Variants in PRKCB observed in about 807,000 individuals in gnomAD.
PRKCB encodes protein kinase C beta.
PRKCB carries 13 observed loss-of-function variants against 81.5 expected under a neutral mutation model. That is an observed-to-expected ratio of 0.16 (90% CI 0.10 to 0.25). The LOEUF (loss-of-function observed/expected upper bound fraction) is 0.25, where lower values mean the gene tolerates loss of function less well. Ranked by LOEUF, PRKCB falls within the 10% of genes least tolerant of loss-of-function variation. The pLI is 1.00. For synonymous variants in PRKCB, 335 were observed against 321.4 expected (o/e 1.04, Z -0.45); for missense variants, 509 against 875.7 (o/e 0.58, Z 5.29).
chr16:24,034,260 A>C (rs951887031), intron 4 of PRKCB, among the ~76,000 whole-genome samples: 4 of 152,062 alleles, frequency 2.6e-5, no homozygotes, highest in African/African-American at 9.7e-5. Flanking sequence ...CCCACAACTC[A>C]TTTCTAGTTT....
At chr16:24,087,321 T>A (rs1322280359) in intron 5 of PRKCB, among the ~76,000 whole-genome samples, 5 of 152,232 alleles carry the variant, frequency 3.3e-5, no homozygotes, top group Admixed American at 6.5e-5. Flanking sequence ...TCTTGCTTTT[T>A]TCAACACGTT....
chr16:24,214,597 T>C, intron 16 of PRKCB, 61 bp from the exon 17 acceptor site: 2 of 1,409,732 alleles, frequency 1.4e-6, no homozygotes, highest in African/African-American at 1.4e-5. Flanking sequence ...CTGTTTTATT[T>C]TGGCTTTTGT....
intron 3 of PRKCB, among the ~76,000 whole-genome samples, chr16:24,020,994 T>TTCTC (rs1965357391): frequency 3.0e-5 from 4 of 132,976 alleles, no homozygotes; most frequent in Non-Finnish European, 4.8e-5. Flanking sequence ...CTTTCTTTCT[T>TTCTC]TCTTTCTTTC....
At chr16:24,123,687 A>G (rs1250426379) in intron 8 of PRKCB, 148 bp from the exon 9 acceptor site, 3 of 717,468 alleles carry the variant, frequency 4.2e-6, no homozygotes, top group Non-Finnish European at 6.8e-6. Context: ...GACAGGTTTC[A>G]GGCTTGTGGA....
At chr16:23,887,108 C>T (rs1382733102) in intron 2 of PRKCB, among the ~76,000 whole-genome samples, 6 of 151,728 alleles carry the variant, frequency 4.0e-5, no homozygotes, top group Non-Finnish European at 7.4e-5. Context: ...TTCTTGCTTT[C>T]TTTCTTGCTT....
intron 5 of PRKCB, among the ~76,000 whole-genome samples, chr16:24,067,525 C>T (rs569298091): frequency 1.3e-5 from 2 of 152,266 alleles, no homozygotes; most frequent in African/African-American, 2.4e-5. Context: ...TCTTGAATTC[C>T]TGAGCTCAAG....
Position 24,122,801 on chromosome 16 carries a change from G to C in PRKCB, c.919-1034G>C, listed in dbSNP as rs887230438. The stretch of plus-strand genomic sequence containing the variant: ...CTCCACAGTTTTCTCTCTGCTAAAC[G>C]TGAATCCAGTAACGAAGTCCTGGCA... On this transcript the variant is annotated intron_variant, in intron 8 of 16. Coordinates refer to ENST00000643927, the MANE Select transcript of PRKCB (RefSeq NM_002738.7). Among the ~76,000 whole-genome samples, 3 of 152,096 alleles carry C rather than the reference G, an allele frequency of 2.0e-5. No homozygotes were observed. The South Asian group carries it at 6.2e-4, about 32-fold the overall frequency.
intron 16 of PRKCB, among the ~76,000 whole-genome samples, chr16:24,212,784 A>G (rs1968164687): frequency 6.6e-6 from 1 of 150,478 alleles, no homozygotes; most frequent in Non-Finnish European, 1.5e-5. Flanking sequence ...TGTGCTTCTG[A>G]CTCCCTCTGG....
chr16:24,204,284 T>A (rs1035911111), intron 16 of PRKCB, among the ~76,000 whole-genome samples: 1 of 152,130 alleles, frequency 6.6e-6, no homozygotes, highest in African/African-American at 2.4e-5. Context: ...CCAGGTTAGC[T>A]TAACTTTTAA....
At chr16:24,029,465 C>T (rs941386018) in intron 3 of PRKCB, among the ~76,000 whole-genome samples, 13 of 152,174 alleles carry the variant, frequency 8.5e-5, no homozygotes, top group Admixed American at 7.9e-4. Flanking sequence ...GCTTTCCCTT[C>T]GCCTTCCACT....
At position 24,089,789 on chromosome 16, in the gene PRKCB, T is replaced by TCTCACACACACACA. The variant is rs71381638; in HGVS notation, c.530-3001_530-3000insTCACACACACACAC. On this transcript the variant is annotated intron_variant, in intron 5 of 16. Transcript: ENST00000643927. ...GACCTTGTCTCTCTCTCTCTCTCTC[T>TCTCACACACACACA]CACACACACACACACAACAAAAACG... is the stretch of plus-strand genomic sequence containing the variant. 3.1e-4 allele frequency among the ~76,000 whole-genome samples: 46 copies of TCTCACACACACACA among 149,982 alleles called. 1 individual carries two copies. The highest frequency in any genetic ancestry group is 1.1e-3 in the African/African-American group (45 of 40,748).
chr16:23,837,451 T>C (rs1439783189), intron 2 of PRKCB, 45 bp downstream of exon 2: 1 of 1,585,320 alleles, frequency 6.3e-7, no homozygotes, highest in East Asian at 2.3e-5. Flanking sequence ...GAAGAGAGGG[T>C]GAAAAATACT....
chr16:23,879,855 A>G (rs1198506195), intron 2 of PRKCB, among the ~76,000 whole-genome samples: 3 of 152,202 alleles, frequency 2.0e-5, no homozygotes, highest in Non-Finnish European at 4.4e-5. Flanking sequence ...CTCTTGGGCC[A>G]TAGCTTCCTG....
intron 2 of PRKCB, among the ~76,000 whole-genome samples, chr16:23,975,131 C>T (rs1472007428): frequency 6.6e-6 from 1 of 152,184 alleles, no homozygotes. Flanking sequence ...CTCCATGGTC[C>T]TGTGTATGAT....
chr16:24,065,685 T>C (rs1966024410), intron 5 of PRKCB, among the ~76,000 whole-genome samples: 1 of 152,196 alleles, frequency 6.6e-6, no homozygotes, highest in African/African-American at 2.4e-5. Flanking sequence ...TATTATTTAG[T>C]TTAGGCCTGC....
At chr16:23,849,478 G>T (rs1469741841) in intron 2 of PRKCB, among the ~76,000 whole-genome samples, 1 of 152,172 alleles carries the variant, frequency 6.6e-6, no homozygotes, top group African/African-American at 2.4e-5. Context: ...TGCAAATGAA[G>T]ATTTGATCGT....
chr16:23,964,074 G>A (rs1215906944), intron 2 of PRKCB, among the ~76,000 whole-genome samples: 1 of 152,146 alleles, frequency 6.6e-6, no homozygotes, highest in Admixed American at 6.5e-5. Context: ...GGTCCAATAG[G>A]GTAGCCACTA....
At chr16:23,986,139 A>G (rs1427157696) in intron 2 of PRKCB, among the ~76,000 whole-genome samples, 6 of 152,234 alleles carry the variant, frequency 3.9e-5, no homozygotes, top group Admixed American at 1.3e-4. Flanking sequence ...TAATATTTAT[A>G]TGACCTTGGA....
chr16:24,178,519 C>T (rs553434707), intron 12 of PRKCB, among the ~76,000 whole-genome samples: 4 of 152,326 alleles, frequency 2.6e-5, no homozygotes, highest in African/African-American at 9.6e-5. Context: ...TGTGGTCGAG[C>T]TGAAGGGTTG....
Sources: allele counts gnomAD v4.1 joint callset (sites outside exome capture counted in the v4.1 genomes callset), GRCh38; gene constraint gnomAD v4.1.1; transcripts MANE v1.5; gene names NCBI Gene and HGNC (gene_info 2026-07-23, HGNC 2026-07-21).